BSND: variants seen among roughly 807,000 people sequenced by gnomAD.
BSND encodes the protein barttin.
BSND carries 13 observed loss-of-function variants against 18.8 expected under a neutral mutation model. The observed-to-expected ratio is 0.69, with a 90% CI of 0.45 to 1.10. The LOEUF (loss-of-function observed/expected upper bound fraction) is 1.10. Among genes scored for constraint, BSND ranks in the 50% least tolerant of loss-of-function variants. The pLI, the probability that BSND is intolerant of heterozygous loss-of-function variation, is 0.00. For synonymous variants in BSND, 170 were observed against 161.8 expected (o/e 1.05, Z -0.39); for missense variants, 379 against 416.7 (o/e 0.91, Z 0.79).
At chr1:55,007,847 A>G (rs1269806137) in intron 3 of BSND, among the ~76,000 whole-genome samples, 1 of 152,280 alleles carries the variant, frequency 6.6e-6, no homozygotes, top group South Asian at 2.1e-4. Flanking sequence ...ACCCCTGAGG[A>G]GCTCTGAGTC....
chr1:55,013,001 C>T lies in BSND; in HGVS notation c.*4373C>T, dbSNP rs965348850. On this transcript the variant is annotated 3_prime_UTR_variant, in exon 4 of 4. Transcript: ENST00000651561. ...GAGATGGGTATTACCAGGGGAGAAACTGATATTCAAACATAGGTCCTCTGA... is the reference window on the plus strand; with the variant it reads ...GAGATGGGTATTACCAGGGGAGAAATTGATATTCAAACATAGGTCCTCTGA... 1.3e-5 allele frequency among the ~76,000 whole-genome samples: 2 copies of T among 152,152 alleles called. No homozygotes were observed. The highest frequency in any genetic ancestry group is 4.8e-5 in the African/African-American group (2 of 41,430).
Position 54,998,962 on chromosome 1 carries a change from G to A in BSND, c.-225G>A. On this transcript the variant is annotated 5_prime_UTR_variant, in exon 1 of 4. Coordinates refer to ENST00000651561, the MANE Select transcript of BSND (RefSeq NM_057176.3). ...GGAAGGTGAGAGGGCAAGGAGTAAA[G>A]GTGGCTGGGTGTGGGTCCGTTGAAG... The A allele has an allele frequency of 1.7e-6, 1 of 578,608 alleles. No homozygotes were observed. The allele number at this position is 578,608 out of a possible 1,614,324, so 35.8% of individuals were successfully genotyped here. A position where few individuals can be genotyped will look rare whatever the true frequency, so the allele number is the denominator to read the frequency against.
rs1481717097 is a variant in BSND, at chr1:55,013,283, C to T, written c.*4655C>T. 6.6e-6 allele frequency among the ~76,000 whole-genome samples: 1 copy of T among 152,160 alleles called. No homozygotes were observed. The highest frequency in any genetic ancestry group is 2.4e-5 in the African/African-American group (1 of 41,434). On this transcript the variant is annotated 3_prime_UTR_variant, in exon 4 of 4. Transcript: ENST00000651561. Reference sequence around the variant, plus strand: ...GGTTCAAGTGATTCTCCTGCCTCAGCCTCCCAAGTAGCTAGGATTACAGGC... The same window carrying T: ...GGTTCAAGTGATTCTCCTGCCTCAGTCTCCCAAGTAGCTAGGATTACAGGC...
intron 1 of BSND, 126 bp downstream of exon 1, chr1:54,999,489 GTCT>G: frequency 2.0e-6 from 2 of 999,944 alleles, no homozygotes; most frequent in South Asian, 3.4e-5. Context: ...TTTTGACTCG[GTCT>G]TCTCTCTGCT....
rs755110588 is a variant in BSND at position 55,005,069 on chromosome 1, A to G, written c.225A>G (p.Pro75=). 2.0e-5 allele frequency: 32 copies of G among 1,614,156 alleles called. No homozygotes were observed. In the East Asian group the frequency reaches 4.5e-4, roughly 22 times the overall value. ...ADSDFQGILS[P]KAMGLLENGL... ...CTGACTTTCAAGGCATCCTCTCCCC[A>G]AAGGCCATGGGCCTGCTGGAGAATG... is the stretch of plus-strand genomic sequence containing the variant. The change falls in exon 2 of 4, where the codon CCA becomes CCG. Residue 75 remains proline (P), a synonymous_variant. Coordinates refer to ENST00000651561, the MANE Select transcript of BSND (RefSeq NM_057176.3).
chr1:55,015,334 C>T lies in BSND; in HGVS notation c.*6706C>T, dbSNP rs1644444534. On this transcript the variant is annotated 3_prime_UTR_variant, in exon 4 of 4. Coordinates refer to ENST00000651561, the MANE Select transcript of BSND (RefSeq NM_057176.3). ...CTTGCTGACCACAAATCCAGCAGAG[C>T]AGGGCAGGGAACCCTGTGGCAGAGG... 6.6e-6 allele frequency among the ~76,000 whole-genome samples: 1 copy of T among 152,204 alleles called. No homozygotes were observed. The highest frequency in any genetic ancestry group is 2.4e-5 in the African/African-American group (1 of 41,452).
chr1:55,008,913 AG>A lies in BSND; in HGVS notation c.*286del. 1 of 492,004 alleles carries A rather than the reference AG, an allele frequency of 2.0e-6. No homozygotes were observed. The highest frequency in any genetic ancestry group is 3.7e-6 in the Non-Finnish European group (1 of 271,476). 30.5% of individuals were successfully genotyped at this position (492,004 alleles called of 1,614,324 possible). ...AAAAGCATTTTCCACCTTCCCCCAA[AG>A]CTGACCTCTGAGAGGAACCTTCCTT... On this transcript the variant is annotated 3_prime_UTR_variant, in exon 4 of 4. Coordinates refer to ENST00000651561, the MANE Select transcript of BSND (RefSeq NM_057176.3).
rs774047416 is a variant in BSND, at chr1:54,999,324, CG to C, written c.143del (p.Gly48AlafsTer42). The C allele has an allele frequency of 1.9e-6, 3 of 1,613,080 alleles. No homozygotes were observed. The South Asian group carries it at 3.3e-5, about 18-fold the overall frequency. The part of the protein sequence containing the change: ...FYAMGSVMVI[G>X]GIIWSMCQCY... Reference sequence around the variant, plus strand: ...ATGCCATGGGCAGCGTCATGGTGATCGGGGGCATCATCTGGAGCATGTGCCA... The same window carrying C: ...ATGCCATGGGCAGCGTCATGGTGATCGGGGCATCATCTGGAGCATGTGCCA... On this transcript the variant is annotated frameshift_variant, in exon 1 of 4. Coordinates refer to ENST00000651561, the MANE Select transcript of BSND (RefSeq NM_057176.3). LOFTEE classifies it high-confidence loss of function.
At chr1:55,001,996 G>C (rs2101645997) in intron 1 of BSND, among the ~76,000 whole-genome samples, 1 of 152,296 alleles carries the variant, frequency 6.6e-6, no homozygotes, top group African/African-American at 2.4e-5. Context: ...TAGTTAATGG[G>C]ACACGACCAG....
At position 55,015,227 on chromosome 1, in the gene BSND, G is replaced by A. The variant is rs80355168; in HGVS notation, c.*6599G>A. 9.3e-4 allele frequency among the ~76,000 whole-genome samples: 142 copies of A among 152,356 alleles called. No homozygotes were observed. The highest frequency in any genetic ancestry group is 1.7e-3 in the South Asian group (8 of 4,828). On this transcript the variant is annotated 3_prime_UTR_variant, in exon 4 of 4. Coordinates refer to ENST00000651561, the MANE Select transcript of BSND (RefSeq NM_057176.3). ...AGGGATTTCATTCTCAACCTGCCCTGTGAAAGGTTTTTTCCACTCATGTCA... is the reference window on the plus strand; with the variant it reads ...AGGGATTTCATTCTCAACCTGCCCTATGAAAGGTTTTTTCCACTCATGTCA...
Sources: gnomAD v4.1 joint callset for allele counts (sites outside exome capture counted in the v4.1 genomes callset) on GRCh38, gnomAD v4.1.1 for gene constraint, MANE v1.5 for transcripts, NCBI Gene and HGNC (gene_info 2026-07-23, HGNC 2026-07-21) for gene names.